Variants in SLCO1C1 observed in about 807,000 individuals in gnomAD.
SLCO1C1 encodes the protein solute carrier organic anion transporter family member 1C1.
In SLCO1C1, 70 loss-of-function variants were observed where a neutral mutation model predicts 76.4. The ratio of observed to expected loss-of-function variants is 0.92; its 90% CI spans 0.76 to 1.12. The LOEUF is 1.12. Among genes scored for constraint, SLCO1C1 ranks in the 50% most tolerant of loss-of-function variants. SLCO1C1 has a pLI of 0.00. For synonymous variants in SLCO1C1, 306 were observed against 286.1 expected (o/e 1.07, Z -0.70); for missense variants, 912 against 823.8 (o/e 1.11, Z -1.31).
At chr12:20,742,939 A>T (rs1051306247) in intron 12 of SLCO1C1, among the ~76,000 whole-genome samples, 1 of 152,104 alleles carries the variant, frequency 6.6e-6, no homozygotes, top group African/African-American at 2.4e-5. Context: ...AGCCATAAAA[A>T]TTTTTTGGCT....
At chr12:20,743,175 C>T in intron 12 of SLCO1C1, 130 bp from the exon 13 acceptor site, 1 of 776,466 alleles carries the variant, frequency 1.3e-6, no homozygotes, top group Middle Eastern at 3.9e-4. Flanking sequence ...GTTAGCACAC[C>T]AATGGGTTCA....
intron 10 of SLCO1C1, among the ~76,000 whole-genome samples, chr12:20,734,446 G>C (rs1948452577): frequency 6.6e-6 from 1 of 152,192 alleles, no homozygotes; most frequent in Non-Finnish European, 1.5e-5. Context: ...ATCTTTAACT[G>C]TCCCAGAAAT....
rs1197306879 is a variant in SLCO1C1 at position 20,753,214 on chromosome 12, C to T, written c.*686C>T. On this transcript the variant is annotated 3_prime_UTR_variant, in exon 15 of 15. Transcript: ENST00000266509. Reference sequence around the variant, plus strand: ...AAGTAATAAAATTGATGTTAACATGCCCAATTATTGTTCTTTTATGAATCC... The same window carrying T: ...AAGTAATAAAATTGATGTTAACATGTCCAATTATTGTTCTTTTATGAATCC... 6.6e-6 allele frequency: 1 copy of T among 152,118 alleles called. No homozygotes were observed. The highest frequency in any genetic ancestry group is 1.5e-5 in the Non-Finnish European group (1 of 68,016). The allele number at this position is 152,118 out of a possible 1,614,324, so 9.4% of individuals were successfully genotyped here. A position where few individuals can be genotyped will look rare whatever the true frequency, so the allele number is the denominator to read the frequency against.
intron 7 of SLCO1C1, among the ~76,000 whole-genome samples, chr12:20,718,852 T>C (rs1161563919): frequency 1.3e-5 from 2 of 152,156 alleles, no homozygotes; most frequent in Non-Finnish European, 1.5e-5. Flanking sequence ...TTTACTCTAA[T>C]GAACAAAAGA....
intron 2 of SLCO1C1, 111 bp downstream of exon 2, chr12:20,699,816 G>C: frequency 9.3e-7 from 1 of 1,073,088 alleles, no homozygotes; most frequent in South Asian, 2.2e-5. Flanking sequence ...AAAAAAAAAA[G>C]ATCTTAGATG....
chr12:20,751,697 G>A (rs754486049), intron 14 of SLCO1C1, among the ~76,000 whole-genome samples: 1 of 152,120 alleles, frequency 6.6e-6, no homozygotes, highest in African/African-American at 2.4e-5. Flanking sequence ...CAGAGATTGA[G>A]AGTATGTTTT....
At chr12:20,710,974 G>A (rs1054841099) in intron 4 of SLCO1C1, among the ~76,000 whole-genome samples, 1 of 152,072 alleles carries the variant, frequency 6.6e-6, no homozygotes, top group Non-Finnish European at 1.5e-5. Flanking sequence ...GTGTAAAGCA[G>A]GAGTGTCCAA....
chr12:20,740,446 G>T (rs1948751376), intron 12 of SLCO1C1, 78 bp downstream of exon 12: 1 of 1,332,050 alleles, frequency 7.5e-7, no homozygotes. Context: ...TTTTTTCTGT[G>T]GAGTCTATGA....
intron 9 of SLCO1C1, among the ~76,000 whole-genome samples, chr12:20,725,249 AT>A (rs1322042816): frequency 7.4e-6 from 1 of 135,486 alleles, no homozygotes; most frequent in African/African-American, 2.6e-5. Context: ...ACAAATAAAA[AT>A]ATGTATTTTA....
chr12:20,737,075 G>A (rs2120855748), intron 10 of SLCO1C1, 32 bp from the exon 11 acceptor site: 6 of 1,448,686 alleles, frequency 4.1e-6, no homozygotes, highest in African/African-American at 1.5e-5. Flanking sequence ...CTGCTAAGAG[G>A]TAATATTTTA....
At chr12:20,733,214 G>A in intron 10 of SLCO1C1, 110 bp downstream of exon 10, 1 of 1,018,946 alleles carries the variant, frequency 9.8e-7, no homozygotes, top group Non-Finnish European at 1.4e-6. Context: ...ACTATGGTAA[G>A]CAACTTAGTA....
At chr12:20,709,363 A>C (rs1265716134) in intron 4 of SLCO1C1, among the ~76,000 whole-genome samples, 1 of 152,132 alleles carries the variant, frequency 6.6e-6, no homozygotes, top group African/African-American at 2.4e-5. Flanking sequence ...ATAAGCTGCC[A>C]GTTATTTGAA....
At position 20,701,330 on chromosome 12, in the gene SLCO1C1, G is replaced by C; in HGVS notation, c.142G>C (p.Ala48Pro). ...TCATATTTTCCAGGTGTTCTTGTGT[G>C]CCTTGTCTTTTGTTTACTTTGCCAA... The part of the protein sequence containing the change: ...CCGELKVFLC[A>P]LSFVYFAKAL... Residue 48 changes from alanine (A) to proline (P), a missense_variant, in exon 3 of 15, where the codon GCC becomes CCC. Coordinates refer to ENST00000266509, the MANE Select transcript of SLCO1C1 (RefSeq NM_017435.5). The C allele has an allele frequency of 6.5e-7, 1 of 1,531,344 alleles. No homozygotes were observed. The highest frequency in any genetic ancestry group is 1.7e-5 in the Admixed American group (1 of 57,536). The allele number at this position is 1,531,344 out of a possible 1,614,324, so 94.9% of individuals were successfully genotyped here.
At chr12:20,704,869 A>T (rs1946700863) in intron 3 of SLCO1C1, among the ~76,000 whole-genome samples, 1 of 151,980 alleles carries the variant, frequency 6.6e-6, no homozygotes. Flanking sequence ...TAAAAACTAA[A>T]TATCTCAAAT....
At chr12:20,705,170 A>G (rs935448710) in intron 3 of SLCO1C1, among the ~76,000 whole-genome samples, 4 of 151,998 alleles carry the variant, frequency 2.6e-5, no homozygotes, top group Admixed American at 2.6e-4. Flanking sequence ...TCATCAACTA[A>G]AAGTAACGTG....
chr12:20,732,238 C>A (rs1385250646), intron 9 of SLCO1C1, among the ~76,000 whole-genome samples: 4 of 152,220 alleles, frequency 2.6e-5, no homozygotes, highest in African/African-American at 9.6e-5. Flanking sequence ...AAGCATAGGA[C>A]TTGACATCAG....
intron 10 of SLCO1C1, among the ~76,000 whole-genome samples, chr12:20,735,323 A>G (rs558276305): frequency 9.6e-4 from 146 of 152,296 alleles, no homozygotes; most frequent in African/African-American, 3.5e-3. Flanking sequence ...GAAACCTGGC[A>G]GGGTTCAGTT....
chr12:20,714,164 G>A (rs1050893998), intron 5 of SLCO1C1, among the ~76,000 whole-genome samples: 2 of 152,158 alleles, frequency 1.3e-5, no homozygotes, highest in Non-Finnish European at 2.9e-5. Flanking sequence ...GTTCACCTTA[G>A]TTCTTCACAT....
chr12:20,699,548 A>G lies in SLCO1C1; in HGVS notation c.-25-4A>G, dbSNP rs781206391. The stretch of plus-strand genomic sequence containing the variant: ...ATTTTTACTTTAAAAACTAACTTTG[A>G]CAGATCAGAGTCAAGGAATGTGTTT... On this transcript the variant is annotated splice_polypyrimidine_tract_variant and splice_region_variant and intron_variant, in intron 1 of 14. Transcript: ENST00000266509. 1.9e-6 allele frequency: 3 copies of G among 1,568,898 alleles called. No homozygotes were observed. The highest frequency in any genetic ancestry group is 2.6e-6 in the Non-Finnish European group (3 of 1,164,534).
Sources: gnomAD v4.1 joint callset for allele counts (sites outside exome capture counted in the v4.1 genomes callset) on GRCh38, gnomAD v4.1.1 for gene constraint, MANE v1.5 for transcripts, NCBI Gene and HGNC (gene_info 2026-07-23, HGNC 2026-07-21) for gene names.